ENOX1: variants seen among roughly 807,000 people sequenced by gnomAD.
ENOX1 encodes the protein ecto-NOX disulfide-thiol exchanger 1, also known as candidate growth-related and time keeping constitutive hydroquinone (NADH) oxidase.
A neutral mutation model predicts 82.5 loss-of-function variants in ENOX1; 42 were observed. The observed-to-expected ratio is 0.51, with a 90% CI of 0.40 to 0.66. ENOX1 has a LOEUF of 0.66. Ranked by LOEUF, ENOX1 falls within the 30% of genes least tolerant of loss-of-function variation. The pLI, the probability that ENOX1 is intolerant of heterozygous loss-of-function variation, is 0.00. For synonymous variants in ENOX1, 271 were observed against 282.2 expected (o/e 0.96, Z 0.40); for missense variants, 608 against 811.6 (o/e 0.75, Z 3.05).
At chr13:43,404,354 CTCT>C (rs2053665457) in intron 5 of ENOX1, among the ~76,000 whole-genome samples, 1 of 152,202 alleles carries the variant, frequency 6.6e-6, no homozygotes, top group Non-Finnish European at 1.5e-5. Flanking sequence ...ACCCACTTTT[CTCT>C]TCTTTGAAGA....
Position 43,572,062 on chromosome 13 carries a change from C to T in ENOX1, c.-218-87910G>A, listed in dbSNP as rs1281573609. On this transcript the variant is annotated intron_variant, in intron 2 of 16. Coordinates refer to ENST00000690772, the MANE Select transcript of ENOX1 (RefSeq NM_001347969.2). ...TACTTATGAAGAGCATTTTCTGAGACAAAAATGAAGGTTGCTATATATAAA... is the reference window on the plus strand; with the variant it reads ...TACTTATGAAGAGCATTTTCTGAGATAAAAATGAAGGTTGCTATATATAAA... Among the ~76,000 whole-genome samples, 4 of 151,802 alleles carry T rather than the reference C, an allele frequency of 2.6e-5. No homozygotes were observed. In the South Asian group the frequency reaches 6.2e-4, roughly 24 times the overall value.
chr13:43,479,225 G>A (rs2058414084), intron 3 of ENOX1, among the ~76,000 whole-genome samples: 1 of 152,148 alleles, frequency 6.6e-6, no homozygotes, highest in Admixed American at 6.5e-5. Context: ...CTGTAATCAA[G>A]GGTTCTTTGA....
chr13:43,236,776 T>G, intron 14 of ENOX1, 38 bp from the exon 15 acceptor site: 1 of 1,238,918 alleles, frequency 8.1e-7, no homozygotes, highest in Non-Finnish European at 1.1e-6. Flanking sequence ...TATGGGTTTA[T>G]GTAGATTCTG....
intron 3 of ENOX1, among the ~76,000 whole-genome samples, chr13:43,463,446 T>C (rs2057577961): frequency 6.6e-6 from 1 of 152,166 alleles, no homozygotes; most frequent in African/African-American, 2.4e-5. Context: ...GTTCTACAGA[T>C]AGTGGGTACA....
intron 2 of ENOX1, among the ~76,000 whole-genome samples, chr13:43,628,336 T>C (rs1259764737): frequency 6.6e-6 from 1 of 152,182 alleles, no homozygotes; most frequent in East Asian, 1.9e-4. Context: ...GAATTTCTAT[T>C]GTTATGTCTT....
chr13:43,531,199 A>G (rs1342536338), intron 2 of ENOX1, among the ~76,000 whole-genome samples: 2 of 152,104 alleles, frequency 1.3e-5, no homozygotes, highest in African/African-American at 4.8e-5. Context: ...AAAAGTTTTA[A>G]TCTACAATGA....
intron 2 of ENOX1, among the ~76,000 whole-genome samples, chr13:43,502,750 C>T (rs576611994): frequency 6.6e-6 from 1 of 151,448 alleles, no homozygotes; most frequent in African/African-American, 2.4e-5. Context: ...TGTATCATCA[C>T]ACTCAACGGT....
chr13:43,334,163 A>G (rs1290394620), intron 9 of ENOX1, among the ~76,000 whole-genome samples: 1 of 152,240 alleles, frequency 6.6e-6, no homozygotes, highest in Non-Finnish European at 1.5e-5. Flanking sequence ...CTAAAGTTTG[A>G]GAACCTCTGA....
intron 2 of ENOX1, among the ~76,000 whole-genome samples, chr13:43,587,398 T>C (rs1183873359): frequency 1.3e-5 from 2 of 152,202 alleles, no homozygotes; most frequent in African/African-American, 4.8e-5. Context: ...ATAGACCTTA[T>C]CAATGGTGAA....
intron 3 of ENOX1, among the ~76,000 whole-genome samples, chr13:43,417,879 G>A (rs2054720803): frequency 6.6e-6 from 1 of 152,146 alleles, no homozygotes; most frequent in Non-Finnish European, 1.5e-5. Flanking sequence ...CTCAGTTGGA[G>A]CACAATATTT....
At chr13:43,558,083 G>A (rs908453071) in intron 2 of ENOX1, among the ~76,000 whole-genome samples, 1 of 152,166 alleles carries the variant, frequency 6.6e-6, no homozygotes, top group African/African-American at 2.4e-5. Flanking sequence ...CTACTTGGAA[G>A]GCTGCTTCTG....
intron 5 of ENOX1, among the ~76,000 whole-genome samples, chr13:43,400,869 G>A (rs544113912): frequency 3.3e-5 from 5 of 152,248 alleles, no homozygotes; most frequent in African/African-American, 9.6e-5. Flanking sequence ...GGCAAAAAAC[G>A]TAGGAGACTT....
chr13:43,260,582 C>T (rs2153475904), intron 14 of ENOX1, among the ~76,000 whole-genome samples: 1 of 152,274 alleles, frequency 6.6e-6, no homozygotes, highest in Admixed American at 6.5e-5. Flanking sequence ...CTCATCCTTC[C>T]CCTCCACCAG....
At chr13:43,270,245 A>G (rs915732911) in intron 12 of ENOX1, among the ~76,000 whole-genome samples, 1 of 152,198 alleles carries the variant, frequency 6.6e-6, no homozygotes, top group South Asian at 2.1e-4. Flanking sequence ...CCAAAAGCAC[A>G]GCGCTGCGCA....
In ENOX1 at chr13:43,786,308, G is replaced by A. The variant is rs1372753652; in HGVS notation, c.-285+344C>T. Among the ~76,000 whole-genome samples the A allele has an allele frequency of 1.3e-5, 2 of 152,190 alleles. No homozygotes were observed. Among genetic ancestry groups the A allele is most frequent in the African/African-American group, 4.8e-5 (2 of 41,464 alleles). On this transcript the variant is annotated intron_variant, in intron 1 of 16. Coordinates refer to ENST00000690772, the MANE Select transcript of ENOX1 (RefSeq NM_001347969.2). The surrounding 1 kb of genome is among the most constrained non-coding windows in gnomAD (Gnocchi z 6.0). ...GCGGGGTGCGCTGTCCAAGGTGCAG[G>A]GGAGGTGACTGGCGCGCGGCGGGCG...
chr13:43,723,135 G>C (rs966468656), intron 1 of ENOX1, among the ~76,000 whole-genome samples: 1 of 152,138 alleles, frequency 6.6e-6, no homozygotes, highest in African/African-American at 2.4e-5. Flanking sequence ...CTTAGGCCCC[G>C]CCTTGGCAGA....
intron 2 of ENOX1, among the ~76,000 whole-genome samples, chr13:43,506,428 C>A (rs200901597): frequency 1.2e-3 from 169 of 136,644 alleles, no homozygotes; most frequent in Middle Eastern, 3.7e-3. Context: ...GTCGGTGTGG[C>A]GATTCCTCAG....
chr13:43,722,248 G>A (rs1271198905), intron 1 of ENOX1, among the ~76,000 whole-genome samples: 1 of 152,222 alleles, frequency 6.6e-6, no homozygotes, highest in South Asian at 2.1e-4. Context: ...ACTGGAAGGT[G>A]TCTGTAGGAA....
At chr13:43,778,699 T>C in intron 1 of ENOX1, among the ~76,000 whole-genome samples, 1 of 152,366 alleles carries the variant, frequency 6.6e-6, no homozygotes, top group East Asian at 1.9e-4. Context: ...GAATTATTCA[T>C]ACTCTTCAAT....
Sources: gnomAD v4.1 joint callset for allele counts (sites outside exome capture counted in the v4.1 genomes callset) on GRCh38, gnomAD v4.1.1 for gene constraint, Gnocchi (gnomAD v3.1) non-coding constraint, MANE v1.5 for transcripts, NCBI Gene and HGNC (gene_info 2026-07-23, HGNC 2026-07-21) for gene names.